Variants in RTN1 observed in about 807,000 individuals in gnomAD.
RTN1 encodes reticulon-1.
Under a neutral mutation model 65.5 loss-of-function variants are expected in RTN1, and 25 were observed. The observed-to-expected ratio is 0.38, with a 90% CI of 0.28 to 0.53. The LOEUF (loss-of-function observed/expected upper bound fraction) is 0.53. RTN1 is among the 20% of genes least tolerant of loss of function. The pLI is 0.79. For missense variants in RTN1, 983 were observed against 1,025.4 expected (o/e 0.96, Z 0.57); for synonymous variants, 471 against 447.6 (o/e 1.05, Z -0.66).
chr14:59,633,956 T>C (rs1030583023), intron 3 of RTN1, among the ~76,000 whole-genome samples: 9 of 152,220 alleles, frequency 5.9e-5, no homozygotes, highest in African/African-American at 1.7e-4. Context: ...CAAATATTTA[T>C]TGAGTACCTG....
intron 1 of RTN1, among the ~76,000 whole-genome samples, chr14:59,787,255 A>C (rs774075527): frequency 3.3e-5 from 5 of 152,226 alleles, no homozygotes; most frequent in Admixed American, 6.5e-5. Flanking sequence ...ACAGCTGTCA[A>C]AAGCCCTCCT....
intron 1 of RTN1, among the ~76,000 whole-genome samples, chr14:59,856,895 A>G (rs1394479373): frequency 1.3e-5 from 2 of 152,180 alleles, no homozygotes; most frequent in African/African-American, 4.8e-5. Flanking sequence ...TTATCTTCAC[A>G]TAACCCTGTA....
intron 1 of RTN1, among the ~76,000 whole-genome samples, chr14:59,754,832 C>T (rs1006076086): frequency 2.0e-5 from 3 of 152,142 alleles, no homozygotes; most frequent in Non-Finnish European, 2.9e-5. Flanking sequence ...CACACCCATG[C>T]TCTCTGGGGT....
At chr14:59,759,406 C>T (rs1885703837) in intron 1 of RTN1, among the ~76,000 whole-genome samples, 1 of 152,160 alleles carries the variant, frequency 6.6e-6, no homozygotes, top group South Asian at 2.1e-4. Context: ...CTTTGTGCTT[C>T]TGTCTCATCT....
At chr14:59,867,894 G>T (rs561769920) in intron 1 of RTN1, among the ~76,000 whole-genome samples, 6 of 152,268 alleles carry the variant, frequency 3.9e-5, no homozygotes, top group African/African-American at 1.4e-4. Context: ...AGCTGTGTGT[G>T]GACCAGGAAG....
intron 3 of RTN1, among the ~76,000 whole-genome samples, chr14:59,608,194 G>A (rs547577263): frequency 6.6e-6 from 1 of 152,290 alleles, no homozygotes; most frequent in South Asian, 2.1e-4. Flanking sequence ...AAGGATCTAT[G>A]CAAATTTACC....
chr14:59,653,387 C>T (rs578213845), intron 3 of RTN1, among the ~76,000 whole-genome samples: 2,740 of 57,048 alleles, frequency 0.048, 74 homozygotes, highest in African/African-American at 0.13. Context: ...GACTCACTTT[C>T]GAAAAATTCT....
At chr14:59,628,257 G>A (rs765401983) in intron 3 of RTN1, among the ~76,000 whole-genome samples, 6 of 152,136 alleles carry the variant, frequency 3.9e-5, no homozygotes, top group Non-Finnish European at 5.9e-5. Context: ...CTGATGCTCA[G>A]CTCAATTGAA....
intron 1 of RTN1, among the ~76,000 whole-genome samples, chr14:59,780,180 G>A (rs7147584): frequency 5.9e-5 from 9 of 152,188 alleles, no homozygotes; most frequent in Non-Finnish European, 1.0e-4. Flanking sequence ...TGGAAAGTTA[G>A]AGGTCACTGT....
intron 3 of RTN1, among the ~76,000 whole-genome samples, chr14:59,635,325 A>G (rs1374248014): frequency 2.0e-5 from 3 of 152,220 alleles, no homozygotes; most frequent in Non-Finnish European, 4.4e-5. Flanking sequence ...GACCTTTTCA[A>G]ATATGTAATC....
At chr14:59,759,937 G>A (rs1027938177) in intron 1 of RTN1, among the ~76,000 whole-genome samples, 4 of 152,154 alleles carry the variant, frequency 2.6e-5, no homozygotes, top group African/African-American at 9.7e-5. Context: ...AACCCCAATG[G>A]GAGGCAATTT....
chr14:59,695,728 A>G (rs1447688237), intron 3 of RTN1, among the ~76,000 whole-genome samples: 1 of 152,196 alleles, frequency 6.6e-6, no homozygotes, highest in Non-Finnish European at 1.5e-5. Context: ...TCTATATAAA[A>G]TAAGGATAAA....
chr14:59,847,744 T>C (rs149277525), intron 1 of RTN1, among the ~76,000 whole-genome samples: 2 of 152,336 alleles, frequency 1.3e-5, no homozygotes, highest in East Asian at 3.9e-4. Context: ...TAAGTGATCA[T>C]GAAGTCTCTG....
intron 3 of RTN1, among the ~76,000 whole-genome samples, chr14:59,652,062 C>T (rs1883030869): frequency 6.6e-6 from 1 of 151,996 alleles, no homozygotes; most frequent in Non-Finnish European, 1.5e-5. Context: ...ATACAGTCAA[C>T]AAGCATATGA....
At chr14:59,652,680 G>GGT (rs1489634410) in intron 3 of RTN1, among the ~76,000 whole-genome samples, 2 of 152,102 alleles carry the variant, frequency 1.3e-5, no homozygotes, top group Non-Finnish European at 2.9e-5. Flanking sequence ...CCTACTTGAG[G>GGT]GTGGGAGGAG....
At chr14:59,643,378 C>G (rs1882823419) in intron 3 of RTN1, among the ~76,000 whole-genome samples, 1 of 152,198 alleles carries the variant, frequency 6.6e-6, no homozygotes, top group Non-Finnish European at 1.5e-5. Flanking sequence ...TGCCACCATG[C>G]CTGGCTAATT....
intron 3 of RTN1, among the ~76,000 whole-genome samples, chr14:59,626,527 T>C (rs771711267): frequency 6.6e-6 from 1 of 152,196 alleles, no homozygotes; most frequent in Non-Finnish European, 1.5e-5. Context: ...AAAAATGATC[T>C]TTAGAGAACA....
At chr14:59,725,880 G>A (rs898117050) in intron 3 of RTN1, among the ~76,000 whole-genome samples, 4 of 152,272 alleles carry the variant, frequency 2.6e-5, no homozygotes, top group East Asian at 1.9e-4. Flanking sequence ...GAAAGAGGGC[G>A]CACCCTTGAA....
intron 1 of RTN1, among the ~76,000 whole-genome samples, chr14:59,786,383 T>C (rs976548127): frequency 6.6e-6 from 1 of 152,196 alleles, no homozygotes; most frequent in Non-Finnish European, 1.5e-5. Flanking sequence ...CAGTGACTAT[T>C]AGTATTACGA....
Sources: allele counts gnomAD v4.1 joint callset (sites outside exome capture counted in the v4.1 genomes callset), GRCh38; gene constraint gnomAD v4.1.1; transcripts MANE v1.5; gene names NCBI Gene and HGNC (gene_info 2026-07-23, HGNC 2026-07-21).